Variants in ZSCAN25 observed in about 807,000 individuals in gnomAD.
ZSCAN25 encodes zinc finger and SCAN domain containing 25, also known as zinc finger and SCAN domain-containing protein 25.
ZSCAN25 carries 27 observed loss-of-function variants against 38.7 expected under a neutral mutation model. The observed-to-expected ratio is 0.70, with a 90% confidence interval of 0.51 to 0.96. ZSCAN25 has a LOEUF of 0.96. Among genes scored for constraint, ZSCAN25 ranks in the 40% least tolerant of loss-of-function variants. ZSCAN25 has a pLI of 0.00. For missense variants in ZSCAN25, 637 were observed against 705.9 expected (o/e 0.90, Z 1.11); for synonymous variants, 273 against 277.7 (o/e 0.98, Z 0.17).
At chr7:99,666,850 A>T in the ZSCAN25 span, 15 of 1,582,364 alleles carry the variant, frequency 9.5e-6, no homozygotes, top group African/African-American at 1.5e-4. Context: ...GGAAGCTCGA[A>T]CTCAGTGGAC....
At chr7:99,662,866 A>G in the ZSCAN25 span, 1 of 1,613,910 alleles carries the variant, frequency 6.2e-7, no homozygotes, top group East Asian at 2.2e-5. The surrounding 1 kb of genome is among the most constrained non-coding windows in gnomAD (Gnocchi z 4.3). Flanking sequence ...CATCAGCTGA[A>G]GGAAATCTAG....
In ZSCAN25 at chr7:99,622,550, A is replaced by G. The variant is rs769410909; in HGVS notation, c.591A>G (p.Ala197=). The part of the protein sequence containing the change: ...GDETRAFQEQ[A]LPVLQAGPGL... ...CTCATGCTTTTTGTCCCTGCTCAGCACTACCTGTTCTGCAGGCGGGTCCTG... is the reference window on the plus strand; with the variant it reads ...CTCATGCTTTTTGTCCCTGCTCAGCGCTACCTGTTCTGCAGGCGGGTCCTG... Residue 197 remains alanine (A), a splice_region_variant and synonymous_variant, in exon 6 of 8, where the codon GCA becomes GCG. Transcript: ENST00000394152. 10 of 1,614,140 alleles carry G rather than the reference A, an allele frequency of 6.2e-6. No homozygotes were observed. The highest frequency in any genetic ancestry group is 1.3e-5 in the African/African-American group (1 of 75,048).
At chr7:99,735,103 C>G in the ZSCAN25 span, 1 of 1,613,928 alleles carries the variant, frequency 6.2e-7, no homozygotes, top group Non-Finnish European at 8.5e-7. Context: ...TCACTACTTT[C>G]CTTCCTTATC....
At chr7:99,717,773 C>A in the ZSCAN25 span, 1 of 1,145,964 alleles carries the variant, frequency 8.7e-7, no homozygotes. Flanking sequence ...GGCCCTATGA[C>A]AGATGCTCAA....
the ZSCAN25 span, chr7:99,707,967 T>C: frequency 6.2e-7 from 1 of 1,613,882 alleles, no homozygotes; most frequent in Non-Finnish European, 8.5e-7. Context: ...TTGTTCTTTT[T>C]ACTGAACCTG....
At chr7:99,660,379 T>G in the ZSCAN25 span, 1 of 1,465,066 alleles carries the variant, frequency 6.8e-7, no homozygotes, top group Non-Finnish European at 9.0e-7. Context: ...GCTTCCTACA[T>G]TATGTCAGTG....
At chr7:99,637,551 G>A in the ZSCAN25 span, among the ~76,000 whole-genome samples, 1 of 152,144 alleles carries the variant, frequency 6.6e-6, no homozygotes, top group Admixed American at 6.5e-5. Flanking sequence ...CATGATGTAT[G>A]TTTCAGAACT....
At chr7:99,705,932 G>T in the ZSCAN25 span, among the ~76,000 whole-genome samples, 1 of 152,238 alleles carries the variant, frequency 6.6e-6, no homozygotes, top group East Asian at 1.9e-4. Flanking sequence ...AGATTATTAG[G>T]TATAACGGTA....
At chr7:99,713,579 G>A in the ZSCAN25 span, 1 of 1,611,896 alleles carries the variant, frequency 6.2e-7, no homozygotes, top group Non-Finnish European at 8.5e-7. Context: ...AGTGACTCGT[G>A]AAGTCAGAAG....
At chr7:99,640,478 GATATGATTCCTGCTCTC>G in the ZSCAN25 span, among the ~76,000 whole-genome samples, 1 of 152,144 alleles carries the variant, frequency 6.6e-6, no homozygotes, top group African/African-American at 2.4e-5. Context: ...TTTAATGAAT[GATATGATTCCTGCTCTC>G]ATACCCCACA....
At chr7:99,714,908 C>G in the ZSCAN25 span, among the ~76,000 whole-genome samples, 1 of 152,170 alleles carries the variant, frequency 6.6e-6, no homozygotes, top group Non-Finnish European at 1.5e-5. Flanking sequence ...GCAGCCCCTT[C>G]TGCATCTTTT....
chr7:99,735,257 G>A, the ZSCAN25 span: 2 of 947,666 alleles, frequency 2.1e-6, no homozygotes, highest in East Asian at 2.7e-5. Context: ...TGGAGCTGCA[G>A]CCAGTAGCAG....
At chr7:99,627,054 G>A (rs576985633) in intron 7 of ZSCAN25, among the ~76,000 whole-genome samples, 1 of 152,298 alleles carries the variant, frequency 6.6e-6, no homozygotes, top group South Asian at 2.1e-4. Context: ...GAAAAGCTAA[G>A]ACTAGTACAG....
At chr7:99,691,349 C>T in the ZSCAN25 span, among the ~76,000 whole-genome samples, 3 of 152,158 alleles carry the variant, frequency 2.0e-5, no homozygotes, top group South Asian at 2.1e-4. Context: ...TGCTAAATGA[C>T]GAGTTAATGG....
the ZSCAN25 span, among the ~76,000 whole-genome samples, chr7:99,701,160 T>G: frequency 1.3e-5 from 2 of 152,206 alleles, no homozygotes; most frequent in Non-Finnish European, 2.9e-5. Context: ...TTAGCTCAAT[T>G]GTTTTGATTT....
the ZSCAN25 span, among the ~76,000 whole-genome samples, chr7:99,719,736 T>C: frequency 1.3e-5 from 2 of 152,190 alleles, no homozygotes; most frequent in African/African-American, 4.8e-5. Context: ...ATCTTGATCA[T>C]GCTGGTCATT....
At chr7:99,722,254 A>G in the ZSCAN25 span, 12 of 1,612,256 alleles carry the variant, frequency 7.4e-6, no homozygotes, top group South Asian at 1.1e-5. Context: ...TAAACTCATC[A>G]TAGAAACAAG....
chr7:99,717,073 T>G, the ZSCAN25 span: 9 of 1,455,184 alleles, frequency 6.2e-6, no homozygotes, highest in Non-Finnish European at 7.7e-6. Context: ...GCCCTCCTTT[T>G]GTCTGGTCAC....
intron 7 of ZSCAN25, among the ~76,000 whole-genome samples, chr7:99,624,775 C>A (rs1807324615): frequency 6.6e-6 from 1 of 152,236 alleles, no homozygotes; most frequent in African/African-American, 2.4e-5. Flanking sequence ...TGTGTGACAG[C>A]AGCTCATGGG....
Sources: allele counts gnomAD v4.1 joint callset (sites outside exome capture counted in the v4.1 genomes callset), GRCh38; gene constraint gnomAD v4.1.1; non-coding constraint Gnocchi (gnomAD v3.1); transcripts MANE v1.5; gene names NCBI Gene and HGNC (gene_info 2026-07-23, HGNC 2026-07-21).